The following DCAF5 variants were observed in gnomAD, a reference collection of about 807,000 sequenced individuals.
DCAF5 encodes the protein DDB1- and CUL4-associated factor 5.
In DCAF5, 9 loss-of-function variants were observed where a neutral mutation model predicts 80.7. The observed-to-expected ratio is 0.11, with a 90% confidence interval of 0.07 to 0.19. The LOEUF (loss-of-function observed/expected upper bound fraction) is 0.19, where lower values mean the gene tolerates loss of function less well. Ranked by LOEUF, DCAF5 falls within the 10% of genes least tolerant of loss-of-function variation. The pLI is 1.00. For synonymous variants in DCAF5, 433 were observed against 461.9 expected (o/e 0.94, Z 0.80); for missense variants, 842 against 1,205.7 (o/e 0.70, Z 4.47).
At chr14:69,099,538 G>A (rs1378529491) in intron 5 of DCAF5, among the ~76,000 whole-genome samples, 6 of 152,198 alleles carry the variant, frequency 3.9e-5, no homozygotes, top group East Asian at 3.9e-4. Flanking sequence ...AAGCCATGAC[G>A]CCACCATACA....
intron 1 of DCAF5, among the ~76,000 whole-genome samples, chr14:69,144,730 C>A (rs1362911137): frequency 1.3e-5 from 2 of 152,146 alleles, no homozygotes; most frequent in African/African-American, 4.8e-5. Flanking sequence ...TGTACATGTG[C>A]TCCAGAAACT....
chr14:69,153,194 C>T (rs2041762211), upstream of DCAF5: 3 of 398,838 alleles, frequency 7.5e-6, no homozygotes, highest in Non-Finnish European at 1.3e-5. Context: ...CTCCCTCTGC[C>T]TCTCCGCCTC....
chr14:69,127,490 G>C (rs781142918), intron 1 of DCAF5, among the ~76,000 whole-genome samples: 1 of 152,172 alleles, frequency 6.6e-6, no homozygotes, highest in Non-Finnish European at 1.5e-5. Context: ...TTGGAGGCAG[G>C]GGTTGAATAT....
intron 7 of DCAF5, among the ~76,000 whole-genome samples, chr14:69,071,297 G>A (rs981093736): frequency 1.3e-5 from 2 of 151,988 alleles, no homozygotes; most frequent in African/African-American, 4.8e-5. Flanking sequence ...CATCTCTTTG[G>A]AGTTTGTATA....
chr14:69,147,473 T>C (rs925412951), intron 1 of DCAF5, among the ~76,000 whole-genome samples: 1 of 152,156 alleles, frequency 6.6e-6, no homozygotes, highest in African/African-American at 2.4e-5. Flanking sequence ...TTATCCTTAT[T>C]ACATGGGTGA....
intron 6 of DCAF5, among the ~76,000 whole-genome samples, chr14:69,078,613 G>A (rs540754704): frequency 2.0e-5 from 3 of 152,260 alleles, no homozygotes; most frequent in Non-Finnish European, 2.9e-5. Flanking sequence ...CTACAACATG[G>A]ATCAACTCTG....
Position 69,055,704 on chromosome 14 carries a change from C to A in DCAF5, c.1075-93G>T. The A allele has an allele frequency of 7.9e-7, 1 of 1,272,268 alleles. No homozygotes were observed. 78.8% of individuals were successfully genotyped at this position (1,272,268 alleles called of 1,614,324 possible). On this transcript the variant is annotated intron_variant, in intron 8 of 8. Transcript: ENST00000341516. This position sits in a 1 kb window ranked among gnomAD's most constrained non-coding sequence, Gnocchi z 5.6. ...AAAGAACACCAAGGCAGAACTTCCC[C>A]AGACTCTCCCTGTAATTTAACTAGG...
At chr14:69,084,964 T>C in intron 6 of DCAF5, 1 of 1,420,202 alleles carries the variant, frequency 7.0e-7, no homozygotes, top group Non-Finnish European at 9.9e-7. Context: ...GCCTTGCTCA[T>C]TTTGCACCCA....
chr14:69,096,578 A>G (rs10130013), intron 5 of DCAF5, among the ~76,000 whole-genome samples: 57,240 of 152,034 alleles, frequency 0.38, 12,001 homozygotes, highest in East Asian at 0.91. Flanking sequence ...ATTATCTTCC[A>G]GAACAGGAAC....
Position 69,055,239 on chromosome 14 carries a change from G to C in DCAF5, c.1447C>G (p.Leu483Val), listed in dbSNP as rs753742263. 15 of 1,614,114 alleles carry C rather than the reference G, an allele frequency of 9.3e-6. No homozygotes were observed. The highest frequency in any genetic ancestry group is 1.6e-4 in the Middle Eastern group (1 of 6,084). ...VDESADNAFHLGPLRVTTTNT... is the reference protein window; with the variant it reads ...VDESADNAFHVGPLRVTTTNT... ...GTGGTGGTGACCCGCAGGGGCCCCAGGTGGAAGGCGTTGTCGGCAGACTCA... is the reference window on the plus strand; with the variant it reads ...GTGGTGGTGACCCGCAGGGGCCCCACGTGGAAGGCGTTGTCGGCAGACTCA... The change falls in exon 9 of 9, where the codon CTG becomes GTG. Residue 483 changes from leucine (L) to valine (V), a missense_variant. This residue lies in a region of DCAF5 where 607 missense variants were observed against 656.6 expected (regional missense o/e 0.92). Coordinates refer to ENST00000341516, the MANE Select transcript of DCAF5 (RefSeq NM_003861.3). The surrounding 1 kb of genome is among the most constrained non-coding windows in gnomAD (Gnocchi z 5.6).
At chr14:69,140,875 G>C (rs2041348191) in intron 1 of DCAF5, among the ~76,000 whole-genome samples, 1 of 152,038 alleles carries the variant, frequency 6.6e-6, no homozygotes, top group Admixed American at 6.6e-5. Flanking sequence ...CCAGAACTTT[G>C]GGAGGCTGAG....
At chr14:69,150,445 AAT>A (rs10546836) in intron 1 of DCAF5, among the ~76,000 whole-genome samples, 10,739 of 152,260 alleles carry the variant, frequency 0.071, 489 homozygotes, top group Admixed American at 0.14. Flanking sequence ...GACTAGAGAA[AAT>A]AGAGTTCATT....
chr14:69,073,878 T>A (rs1207970977), intron 7 of DCAF5, among the ~76,000 whole-genome samples: 1 of 152,158 alleles, frequency 6.6e-6, no homozygotes, highest in East Asian at 1.9e-4. Flanking sequence ...TCTCAACGAA[T>A]CAAGCTAGGA....
chr14:69,097,435 T>C (rs748786880), intron 5 of DCAF5, among the ~76,000 whole-genome samples: 13 of 152,172 alleles, frequency 8.5e-5, no homozygotes, highest in Non-Finnish European at 1.8e-4. Context: ...TGCATCCTCG[T>C]ACACCCACAT....
At chr14:69,086,620 TA>T (rs34555932) in intron 6 of DCAF5, among the ~76,000 whole-genome samples, 57,239 of 134,120 alleles carry the variant, frequency 0.43, 12,469 homozygotes, top group East Asian at 0.96. Context: ...ATGGAGTTAT[TA>T]AAAAAAAAAA....
intron 7 of DCAF5, among the ~76,000 whole-genome samples, chr14:69,072,048 G>A (rs943846423): frequency 6.6e-6 from 1 of 152,134 alleles, no homozygotes; most frequent in African/African-American, 2.4e-5. Flanking sequence ...GGCACAGCTG[G>A]GGGTGTCATT....
Position 69,119,351 on chromosome 14 carries a change from T to C in DCAF5, c.359-121A>G. The C allele has an allele frequency of 5.7e-6, 5 of 881,514 alleles. No individual in the cohort carries two copies. In the East Asian group the frequency reaches 7.9e-5, roughly 14 times the overall value. The allele number at this position is 881,514 out of a possible 1,614,324, so 54.6% of individuals were successfully genotyped here. Reference sequence around the variant, plus strand: ...GAACAAAGCCAATGCTAATACAAATTAGAAGTGTTAACTGGAAAAAAGATT... The same window carrying C: ...GAACAAAGCCAATGCTAATACAAATCAGAAGTGTTAACTGGAAAAAAGATT... On this transcript the variant is annotated intron_variant, in intron 2 of 8. Coordinates refer to ENST00000341516, the MANE Select transcript of DCAF5 (RefSeq NM_003861.3).
At chr14:69,150,449 G>A (rs1326650139) in intron 1 of DCAF5, among the ~76,000 whole-genome samples, 3 of 152,138 alleles carry the variant, frequency 2.0e-5, no homozygotes, top group Non-Finnish European at 4.4e-5. Flanking sequence ...AGAGAAAATA[G>A]AGTTCATTTA....
chr14:69,091,779 C>G lies in DCAF5; in HGVS notation c.774G>C (p.Val258=), dbSNP rs1047471699. Residue 258 remains valine (V), a synonymous_variant, in exon 6 of 9, where the codon GTG becomes GTC. Transcript: ENST00000341516. The part of the protein sequence containing the change: ...LLALRRRLPP[V]LYDIHSRLPV... The stretch of plus-strand genomic sequence containing the variant: ...GCAGGCGGGAATGGATGTCATAGAG[C>G]ACAGGGGGCAGGCGTCGCCTCAGGG... The G allele has an allele frequency of 1.2e-6, 2 of 1,614,002 alleles. No individual in the cohort carries two copies. The highest frequency in any genetic ancestry group is 2.2e-5 in the East Asian group (1 of 44,886).
Sources: allele counts gnomAD v4.1 joint callset (sites outside exome capture counted in the v4.1 genomes callset), GRCh38; gene constraint gnomAD v4.1.1; regional missense constraint gnomAD v4.1.1; non-coding constraint Gnocchi (gnomAD v3.1); transcripts MANE v1.5; gene names NCBI Gene and HGNC (gene_info 2026-07-23, HGNC 2026-07-21).